EZH2: variants seen among roughly 807,000 people sequenced by gnomAD.
EZH2 encodes the protein enhancer of zeste 2 polycomb repressive complex 2 subunit.
Under a neutral mutation model 98.4 loss-of-function variants are expected in EZH2, and 18 were observed. That is an observed-to-expected ratio of 0.18 (90% CI 0.13 to 0.27). The LOEUF (loss-of-function observed/expected upper bound fraction) is 0.27. EZH2 is among the 10% of genes least tolerant of loss of function. The pLI, the probability that EZH2 is intolerant of heterozygous loss-of-function variation, is 1.00. For synonymous variants in EZH2, 338 were observed against 312.3 expected (o/e 1.08, Z -0.87); for missense variants, 470 against 935.1 (o/e 0.50, Z 6.49).
chr7:148,812,556 T>C (rs1472093851), intron 15 of EZH2, among the ~76,000 whole-genome samples: 1 of 152,222 alleles, frequency 6.6e-6, no homozygotes, highest in African/African-American at 2.4e-5. Flanking sequence ...AATACTGCTA[T>C]GCAAATGAAA....
intron 1 of EZH2, among the ~76,000 whole-genome samples, chr7:148,857,686 G>C (rs1342699860): frequency 6.6e-6 from 1 of 152,120 alleles, no homozygotes; most frequent in Non-Finnish European, 1.5e-5. Flanking sequence ...AGGAGGTGGA[G>C]GCTGCAGTGA....
Position 148,823,291 on chromosome 7 carries a change from T to C in EZH2, c.907+3163A>G, listed in dbSNP as rs893439986. Among the ~76,000 whole-genome samples, 4 of 152,310 alleles carry C rather than the reference T, an allele frequency of 2.6e-5. No homozygotes were observed. The East Asian group carries it at 7.7e-4, about 29-fold the overall frequency. Reference sequence around the variant, plus strand: ...CTTGCATGAAATGGGTACAGATATTTGCTGTGGCATCGTTACAGCATAAGG... The same window carrying C: ...CTTGCATGAAATGGGTACAGATATTCGCTGTGGCATCGTTACAGCATAAGG... On this transcript the variant is annotated intron_variant, in intron 8 of 19. Coordinates refer to ENST00000320356, the MANE Select transcript of EZH2 (RefSeq NM_004456.5).
intron 4 of EZH2, among the ~76,000 whole-genome samples, chr7:148,831,473 T>C (rs566214621): frequency 6.6e-6 from 1 of 152,348 alleles, no homozygotes; most frequent in South Asian, 2.1e-4. Context: ...ACAATAAAGA[T>C]TGTGTGCCTA....
At chr7:148,813,157 G>C (rs951102829) in intron 15 of EZH2, among the ~76,000 whole-genome samples, 6 of 151,726 alleles carry the variant, frequency 4.0e-5, no homozygotes, top group Non-Finnish European at 7.4e-5. Context: ...TGTGACTTTG[G>C]GTTTCCTTAC....
intron 3 of EZH2, among the ~76,000 whole-genome samples, chr7:148,842,288 G>A (rs903934520): frequency 6.6e-6 from 1 of 152,154 alleles, no homozygotes; most frequent in Admixed American, 6.5e-5. Flanking sequence ...GTCAGTGAAG[G>A]AGAAGTGTCT....
At chr7:148,829,909 T>A (rs2129477106) in intron 4 of EZH2, 61 bp from the exon 5 acceptor site, 1 of 1,289,936 alleles carries the variant, frequency 7.8e-7, no homozygotes, top group Non-Finnish European at 1.1e-6. Context: ...GTGAAATAAC[T>A]AAAATACAAC....
chr7:148,858,409 C>T (rs1006887890), intron 1 of EZH2, among the ~76,000 whole-genome samples: 17 of 152,144 alleles, frequency 1.1e-4, no homozygotes, highest in African/African-American at 4.1e-4. Context: ...GACCGTAGCT[C>T]ACTGCAGCCT....
At chr7:148,812,381 C>G (rs1803338572) in intron 15 of EZH2, among the ~76,000 whole-genome samples, 1 of 152,146 alleles carries the variant, frequency 6.6e-6, no homozygotes, top group Admixed American at 6.5e-5. Flanking sequence ...ATGTGTTCCC[C>G]AACATATGCC....
intron 1 of EZH2, among the ~76,000 whole-genome samples, chr7:148,859,372 G>A (rs1414529301): frequency 6.6e-6 from 1 of 152,052 alleles, no homozygotes; most frequent in East Asian, 1.9e-4. Context: ...CAGGAGTGGT[G>A]GCACACACCT....
intron 1 of EZH2, among the ~76,000 whole-genome samples, chr7:148,858,375 C>T (rs987164223): frequency 6.6e-6 from 1 of 152,026 alleles, no homozygotes; most frequent in Admixed American, 6.6e-5. Flanking sequence ...TCACTCTGTT[C>T]CCCAGGCTGG....
At chr7:148,818,957 A>C in intron 9 of EZH2, 1 of 436,102 alleles carries the variant, frequency 2.3e-6, no homozygotes, top group Non-Finnish European at 4.6e-6. Flanking sequence ...ACAAAAACCA[A>C]ATTGCTTAAA....
chr7:148,819,305 C>T (rs1029138634), intron 9 of EZH2, among the ~76,000 whole-genome samples: 3 of 152,152 alleles, frequency 2.0e-5, no homozygotes, highest in African/African-American at 4.8e-5. Flanking sequence ...CTATCTGTGC[C>T]TTGCAACTCT....
intron 9 of EZH2, 150 bp downstream of exon 9, chr7:148,819,446 T>G: frequency 1.6e-6 from 1 of 632,606 alleles, no homozygotes; most frequent in Admixed American, 3.0e-5. Flanking sequence ...ACATGAGCTA[T>G]GGAAGAAACA....
At chr7:148,881,933 CA>C (rs11412628) in intron 1 of EZH2, among the ~76,000 whole-genome samples, 66 of 122,084 alleles carry the variant, frequency 5.4e-4, no homozygotes, top group Non-Finnish European at 7.1e-4. Context: ...GGCTCTGTCT[CA>C]AAAAAAAAAA....
At chr7:148,883,888 C>A (rs1419042259) in intron 1 of EZH2, among the ~76,000 whole-genome samples, 2 of 151,850 alleles carry the variant, frequency 1.3e-5, no homozygotes, top group Non-Finnish European at 2.9e-5. Flanking sequence ...GAAAGGAGCC[C>A]CCCACACGCC....
intron 1 of EZH2, among the ~76,000 whole-genome samples, chr7:148,866,727 T>A (rs1818605440): frequency 6.7e-6 from 1 of 148,646 alleles, no homozygotes; most frequent in Non-Finnish European, 1.5e-5. Flanking sequence ...TATTTATTCC[T>A]TTTGTGAGAC....
intron 8 of EZH2, among the ~76,000 whole-genome samples, chr7:148,820,294 A>T (rs1181145664): frequency 1.3e-5 from 2 of 152,352 alleles, no homozygotes; most frequent in East Asian, 3.9e-4. Context: ...TAAAATTCCA[A>T]AATAATGTAA....
At chr7:148,854,933 T>G (rs901111036) in intron 1 of EZH2, among the ~76,000 whole-genome samples, 1 of 152,228 alleles carries the variant, frequency 6.6e-6, no homozygotes, top group East Asian at 1.9e-4. Flanking sequence ...CTTAGACATA[T>G]AGATGTTAAA....
intron 1 of EZH2, among the ~76,000 whole-genome samples, chr7:148,870,915 C>A (rs542189993): frequency 6.8e-6 from 1 of 148,074 alleles, no homozygotes; most frequent in Non-Finnish European, 1.5e-5. Flanking sequence ...GATGACACAG[C>A]GAGACCTTGT....
Sources: gnomAD v4.1 joint callset for allele counts (sites outside exome capture counted in the v4.1 genomes callset) on GRCh38, gnomAD v4.1.1 for gene constraint, MANE v1.5 for transcripts, NCBI Gene and HGNC (gene_info 2026-07-23, HGNC 2026-07-21) for gene names.